MYH8: variants seen among roughly 807,000 people sequenced by gnomAD.
MYH8 encodes myosin-8.
Under a neutral mutation model 233.2 loss-of-function variants are expected in MYH8, and 168 were observed. The ratio of observed to expected loss-of-function variants is 0.72; its 90% CI spans 0.64 to 0.82. The LOEUF (loss-of-function observed/expected upper bound fraction) is 0.82. Among genes scored for constraint, MYH8 ranks in the 40% least tolerant of loss-of-function variants. MYH8 has a pLI of 0.00. For missense variants in MYH8, 1,995 were observed against 2,327.8 expected, an observed-to-expected ratio of 0.86 and a Z score of 2.94; for synonymous variants, 785 against 850.6, an observed-to-expected ratio of 0.92 and a Z score of 1.34.
At chr17:10,392,799 CT>C in intron 37 of MYH8, 31 bp downstream of exon 37, 4 of 1,614,104 alleles carry the variant, frequency 2.5e-6, no homozygotes, top group Non-Finnish European at 2.5e-6. Flanking sequence ...CCCTTTTTCC[CT>C]TCCCAGATTT....
chr17:10,403,717 C>T (rs1184755250), intron 22 of MYH8, among the ~76,000 whole-genome samples: 3 of 152,034 alleles, frequency 2.0e-5, no homozygotes, highest in Non-Finnish European at 4.4e-5. Flanking sequence ...TTTGCTGAAC[C>T]AAGGAAATGG....
At position 10,415,396 on chromosome 17, in the gene MYH8, G is replaced by A. The variant is rs2072281208; in HGVS notation, c.649-12C>T. ...TCTTCCAGAGTCCCCTGCAAAGGAA[G>A]GAGCAGTTCTCACATCTGGGACTCC... is the stretch of plus-strand genomic sequence containing the variant. On this transcript the variant is annotated splice_polypyrimidine_tract_variant and intron_variant, in intron 7 of 39. Transcript: ENST00000403437. The surrounding 1 kb of genome is among the most constrained non-coding windows in gnomAD (Gnocchi z 4.1). The A allele has an allele frequency of 1.2e-6, 2 of 1,614,068 alleles. No homozygotes were observed. The highest frequency in any genetic ancestry group is 1.7e-6 in the Non-Finnish European group (2 of 1,179,918).
chr17:10,409,033 A>G, intron 17 of MYH8, 64 bp downstream of exon 17: 1 of 1,496,342 alleles, frequency 6.7e-7, no homozygotes, highest in Non-Finnish European at 9.3e-7. Flanking sequence ...AATTTTTTCT[A>G]AATCCTTAAT....
chr17:10,419,302 C>T lies in MYH8; in HGVS notation c.211-272G>A, dbSNP rs575895480. On this transcript the variant is annotated intron_variant, in intron 3 of 39. Coordinates refer to ENST00000403437, the MANE Select transcript of MYH8 (RefSeq NM_002472.3). This position sits in a 1 kb window ranked among gnomAD's most constrained non-coding sequence, Gnocchi z 4.0. ...CGAACTCCTGATCTCAGGTGATCCACCTGCCTCAGCCTCCCAAAGTGCTGG... is the reference window on the plus strand; with the variant it reads ...CGAACTCCTGATCTCAGGTGATCCATCTGCCTCAGCCTCCCAAAGTGCTGG... Among the ~76,000 whole-genome samples the T allele has an allele frequency of 6.6e-6, 1 of 152,210 alleles. No homozygotes were observed. The highest frequency in any genetic ancestry group is 3.2e-3 in the Middle Eastern group (1 of 316).
intron 15 of MYH8, among the ~76,000 whole-genome samples, chr17:10,409,930 T>C (rs183463189): frequency 9.8e-4 from 150 of 152,370 alleles, no homozygotes; most frequent in Non-Finnish European, 1.7e-3. Context: ...TACTGACTTA[T>C]GATGTTGACT....
chr17:10,410,866 C>G lies in MYH8; in HGVS notation c.1498G>C (p.Glu500Gln). Residue 500 changes from glutamate to glutamine, a missense_variant, in exon 15 of 40, where the codon GAG (glutamate) becomes CAG (glutamine). Physicochemically the swap from Glu to Gln is conservative, Grantham distance 29. This residue lies in a region of MYH8 where 18 missense variants were observed against 46.1 expected (regional missense o/e 0.39). Coordinates refer to ENST00000403437, the MANE Select transcript of MYH8 (RefSeq NM_002472.3). Reference protein sequence around the residue: ...QFFNHHMFVLEQEEYKKEGIE... With the variant: ...QFFNHHMFVLQQEEYKKEGIE... The stretch of plus-strand genomic sequence containing the variant: ...CCTTCCTTCTTGTACTCCTCCTGCT[C>G]TAGCACAAACATGTGGTGGTTGAAA... The G allele has an allele frequency of 6.2e-7, 1 of 1,614,026 alleles. No homozygotes were observed. Among genetic ancestry groups the G allele is most frequent in the Non-Finnish European group, 8.5e-7 (1 of 1,179,976 alleles).
Position 10,395,163 on chromosome 17 carries a change from C to T in MYH8, c.4932G>A (p.Arg1644=). ...GGATTCCTTGGGTGTTCCTGTAGTTCCTTAAACTCTCTGCAGCTAAGCGAT... is the reference window on the plus strand; with the variant it reads ...GGATTCCTTGGGTGTTCCTGTAGTTTCTTAAACTCTCTGCAGCTAAGCGAT... ...HANRLAAESL[R]NYRNTQGILK... The change falls in exon 34 of 40, where the codon AGG becomes AGA. Residue 1644 remains arginine (R), a synonymous_variant. Transcript: ENST00000403437. 6.2e-7 allele frequency: 1 copy of T among 1,613,780 alleles called. No individual in the cohort carries two copies.
Position 10,401,536 on chromosome 17 carries a change from C to T in MYH8, c.2931+7G>A. The T allele has an allele frequency of 6.2e-7, 1 of 1,614,154 alleles. No homozygotes were observed. Among genetic ancestry groups the T allele is most frequent in the Non-Finnish European group, 8.5e-7 (1 of 1,180,036 alleles). On this transcript the variant is annotated splice_region_variant and intron_variant, in intron 23 of 39. Coordinates refer to ENST00000403437, the MANE Select transcript of MYH8 (RefSeq NM_002472.3). ...CTCTATACAGTATTGTAAAATATGA[C>T]TGATACCTTGTTCTCCGTGGCATGT...
At chr17:10,392,670 G>A (rs377437114) in intron 37 of MYH8, 24 bp from the exon 38 acceptor site, 16 of 1,612,998 alleles carry the variant, frequency 9.9e-6, no homozygotes, top group African/African-American at 4.0e-5. Context: ...AAATACTTAC[G>A]CAGTCAGTCT....
rs375148987 is a variant in MYH8, at chr17:10,420,067, A to G, written c.161T>C (p.Ile54Thr). The change falls in exon 3 of 40, where the codon ATA becomes ACA. Residue 54 changes from isoleucine to threonine, a missense_variant. Transcript: ENST00000403437. ...EPKESYVKST[I>T]QSKEGGKVTV... Reference sequence around the variant, plus strand: ...TACTTTCCCTCCTTCTTTGCTTTGTATAGTGCTCTTCACATAGGATTCCTT... The same window carrying G: ...TACTTTCCCTCCTTCTTTGCTTTGTGTAGTGCTCTTCACATAGGATTCCTT... The G allele has an allele frequency of 7.3e-5, 118 of 1,614,214 alleles. No homozygotes were observed. Among genetic ancestry groups the G allele is most frequent in the East Asian group, 2.0e-4 (9 of 44,888 alleles).
chr17:10,404,247 A>C, intron 22 of MYH8, 83 bp downstream of exon 22: 6 of 1,556,082 alleles, frequency 3.9e-6, no homozygotes, highest in South Asian at 1.2e-5. Flanking sequence ...TTTTTCAAGT[A>C]GAGATCATTT....
At chr17:10,390,740 A>G in intron 39 of MYH8, 137 bp from the exon 40 acceptor site, 1 of 1,012,692 alleles carries the variant, frequency 9.9e-7, no homozygotes, top group Non-Finnish European at 1.5e-6. Flanking sequence ...ATCTAAACAG[A>G]GTTTATAACT....
chr17:10,400,910 C>T lies in MYH8; in HGVS notation c.3304G>A (p.Ala1102Thr). Residue 1102 changes from alanine to threonine, a missense_variant, in exon 26 of 40, where the codon GCT (alanine) becomes ACT (threonine). Physicochemically the swap from Ala to Thr is moderately conservative, Grantham distance 58. This residue lies in a region of MYH8 where 1,498 missense variants were observed against 1,680.9 expected (regional missense o/e 0.89). Transcript: ENST00000403437. This position sits in a 1 kb window ranked among gnomAD's most constrained non-coding sequence, Gnocchi z 4.0. ...NLISKIEDEQAVEIQLQKKIK... is the reference protein window; with the variant it reads ...NLISKIEDEQTVEIQLQKKIK... ...TTCTTCTGTAGTTGAATTTCTACAG[C>T]TTGCTCATCTTCAATTTTGCTTATC... 1 of 1,613,788 alleles carries T rather than the reference C, an allele frequency of 6.2e-7. No homozygotes were observed. The highest frequency in any genetic ancestry group is 1.1e-5 in the South Asian group (1 of 91,090).
Position 10,398,892 on chromosome 17 carries a change from A to G in MYH8, c.3863-6T>C, listed in dbSNP as rs2072105125. 6.2e-7 allele frequency: 1 copy of G among 1,607,628 alleles called. No individual in the cohort carries two copies. On this transcript the variant is annotated splice_polypyrimidine_tract_variant and splice_region_variant and intron_variant, in intron 28 of 39. Coordinates refer to ENST00000403437, the MANE Select transcript of MYH8 (RefSeq NM_002472.3). ...TAATTGTCGAGAATATTCACCTAGGAATAATAGACATAAGGGAATTTTTTA... is the reference window on the plus strand; with the variant it reads ...TAATTGTCGAGAATATTCACCTAGGGATAATAGACATAAGGGAATTTTTTA...
In MYH8 at chr17:10,391,906, T is replaced by G. The variant is rs538421855; in HGVS notation, c.5640A>C (p.Ser1880=). ...CAGCCTCCTCAGCTTGTCTCTTGTA[T>G]GATTTCACCTTCGCCTGTAATTTAT... ...LVDKLQAKVK[S]YKRQAEEAEE... is the part of the protein sequence containing the mutation. Residue 1880 remains serine, a synonymous_variant, in exon 39 of 40, where the codon TCA becomes TCC. Transcript: ENST00000403437. The G allele has an allele frequency of 6.2e-6, 10 of 1,614,016 alleles. No individual in the cohort carries two copies. Among genetic ancestry groups the G allele is most frequent in the Non-Finnish European group, 8.5e-6 (10 of 1,179,974 alleles).
intron 30 of MYH8, among the ~76,000 whole-genome samples, 183 bp from the exon 31 acceptor site, chr17:10,397,169 C>A (rs555139195): frequency 6.6e-6 from 1 of 152,124 alleles, no homozygotes; most frequent in Admixed American, 6.6e-5. Flanking sequence ...TGCGACCTCC[C>A]GGGTTCAAGC....
In MYH8 at chr17:10,392,930, G is replaced by T; in HGVS notation, c.5364C>A (p.Asn1788Lys). The T allele has an allele frequency of 1.9e-6, 3 of 1,614,148 alleles. No individual in the cohort carries two copies. The highest frequency in any genetic ancestry group is 2.5e-6 in the Non-Finnish European group (3 of 1,180,038). The change falls in exon 37 of 40, where the codon AAC becomes AAA. Residue 1788 changes from asparagine to lysine, a missense_variant. Physicochemically the swap from Asn to Lys is moderately conservative, Grantham distance 94. Transcript: ENST00000403437. ...TSAHLERMKK[N>K]LEQTVKDLQH... ...GCAGGTCCTTCACCGTCTGCTCCAG[G>T]TTCTTCTTCATCCGCTCCAGGTGGG...
chr17:10,409,324 T>C lies in MYH8; in HGVS notation c.1852A>G (p.Lys618Glu), dbSNP rs1194862920. ...GTGGAAAAGAGACTGGCTAGAGTCT[T>C]CATTGCAGACTTCTGGTACAGCCCA... is the stretch of plus-strand genomic sequence containing the variant. ...VVGLYQKSAM[K>E]TLASLFSTYA... is the part of the protein sequence containing the mutation. The change falls in exon 16 of 40, where the codon AAG becomes GAG. Residue 618 changes from lysine to glutamate, a missense_variant. Physicochemically the swap from Lys to Glu is moderately conservative, Grantham distance 56. Transcript: ENST00000403437. 1 of 1,614,096 alleles carries C rather than the reference T, an allele frequency of 6.2e-7. No homozygotes were observed. The highest frequency in any genetic ancestry group is 1.3e-5 in the African/African-American group (1 of 74,938).
In MYH8 at chr17:10,414,002, T is replaced by A. The variant is rs764385049; in HGVS notation, c.1047A>T (p.Lys349Asn). Residue 349 changes from lysine to asparagine, a missense_variant, in exon 12 of 40, where the codon AAA becomes AAT. Lys to Asn is a moderately conservative substitution (Grantham distance 94). Around this residue, in one of 3 missense-constraint regions of MYH8, gnomAD observed 479 missense variants for 600.9 expected, o/e 0.80. Coordinates refer to ENST00000403437, the MANE Select transcript of MYH8 (RefSeq NM_002472.3). ...IDILGFTPEE[K>N]VSIYKLTGAV... ...CCCCTGTGAGTTTATAGATGGACAC[T>A]TTCTCTTCAGGAGTGAAGCCCAGGA... 7 of 1,614,128 alleles carry A rather than the reference T, an allele frequency of 4.3e-6. No individual in the cohort carries two copies. Among genetic ancestry groups the A allele is most frequent in the Non-Finnish European group, 5.9e-6 (7 of 1,180,018 alleles).
Sources: allele counts gnomAD v4.1 joint callset (sites outside exome capture counted in the v4.1 genomes callset), GRCh38; gene constraint gnomAD v4.1.1; regional missense constraint gnomAD v4.1.1; non-coding constraint Gnocchi (gnomAD v3.1); transcripts MANE v1.5; gene names NCBI Gene and HGNC (gene_info 2026-07-23, HGNC 2026-07-21).